The following GLRA3 variants were observed in gnomAD, a reference collection of about 807,000 sequenced individuals.
GLRA3 encodes glycine receptor alpha 3, also known as glycine receptor subunit alpha-3.
In GLRA3, 44 loss-of-function variants were observed where a neutral mutation model predicts 60.4. The observed-to-expected ratio is 0.73, with a 90% CI of 0.57 to 0.94. GLRA3 has a LOEUF of 0.94. Among genes scored for constraint, GLRA3 ranks in the 40% least tolerant of loss-of-function variants. The probability of loss-of-function intolerance (pLI) is 0.00; values close to 1 mark genes in which losing one functional copy is unlikely to be tolerated. For synonymous variants in GLRA3, 223 were observed against 192.9 expected (o/e 1.16, Z -1.29); for missense variants, 508 against 564.6 (o/e 0.90, Z 1.02).
chr4:174,712,914 T>G lies in GLRA3; in HGVS notation c.574+2574A>C, dbSNP rs565905853. ...ATATATACACACACATATATGCATA[T>G]ATATACACACATATGTATATATACA... On this transcript the variant is annotated intron_variant, in intron 5 of 9. Transcript: ENST00000274093. 9 of 152,000 alleles carry G rather than the reference T, an allele frequency of 5.9e-5. No homozygotes were observed. In the South Asian group the frequency reaches 1.9e-3, roughly 31 times the overall value. 9.4% of individuals were successfully genotyped at this position (152,000 alleles called of 1,614,324 possible).
At chr4:174,704,560 G>T (rs115618464) in intron 5 of GLRA3, among the ~76,000 whole-genome samples, 2,499 of 143,392 alleles carry the variant, frequency 0.017, 382 homozygotes, top group Non-Finnish European at 0.029. Flanking sequence ...AATTAAAAAT[G>T]AATGACCATA....
At chr4:174,828,478 G>A (rs766197715) in intron 1 of GLRA3, among the ~76,000 whole-genome samples, 1 of 152,142 alleles carries the variant, frequency 6.6e-6, no homozygotes, top group Non-Finnish European at 1.5e-5. Flanking sequence ...GAAAACGTAG[G>A]CTTTTAAAAT....
At chr4:174,696,648 T>TA (rs1735065628) in intron 5 of GLRA3, among the ~76,000 whole-genome samples, 1 of 152,068 alleles carries the variant, frequency 6.6e-6, no homozygotes, top group South Asian at 2.1e-4. Flanking sequence ...TGAGATTAGA[T>TA]AAAAAACCTT....
rs1470381597 is a variant in GLRA3 at position 174,790,873 on chromosome 4, G to A, written c.72-1930C>T. Among the ~76,000 whole-genome samples the A allele has an allele frequency of 2.0e-5, 3 of 149,448 alleles. 1 individual carries two copies. Among genetic ancestry groups the A allele is most frequent in the South Asian group, 4.3e-4 (2 of 4,682 alleles). On this transcript the variant is annotated intron_variant, in intron 1 of 9. Coordinates refer to ENST00000274093, the MANE Select transcript of GLRA3 (RefSeq NM_006529.4). The stretch of plus-strand genomic sequence containing the variant: ...AAAGAAATTAGCCGGGCGTAGTGGC[G>A]GGCTCCTGTAGTCCCAGCTACTGGG...
At chr4:174,713,374 AC>A (rs1187406753) in intron 5 of GLRA3, among the ~76,000 whole-genome samples, 2 of 152,126 alleles carry the variant, frequency 1.3e-5, no homozygotes, top group African/African-American at 4.8e-5. Flanking sequence ...CTTATTCAAA[AC>A]ATAAGCCCAG....
intron 3 of GLRA3, among the ~76,000 whole-genome samples, chr4:174,759,047 A>G (rs1194045984): frequency 1.3e-5 from 2 of 152,126 alleles, no homozygotes; most frequent in Admixed American, 6.5e-5. Flanking sequence ...ATTTATAGCA[A>G]ACTCAAGCAA....
intron 5 of GLRA3, among the ~76,000 whole-genome samples, chr4:174,699,905 T>C (rs1735239507): frequency 6.6e-6 from 1 of 151,714 alleles, no homozygotes; most frequent in South Asian, 2.1e-4. Flanking sequence ...ATTAATAATT[T>C]GTTAAACTTA....
At chr4:174,766,456 T>A (rs1279915004) in intron 3 of GLRA3, among the ~76,000 whole-genome samples, 1 of 152,080 alleles carries the variant, frequency 6.6e-6, no homozygotes, top group African/African-American at 2.4e-5. Context: ...AATGACAATT[T>A]TTATGTTTTT....
At chr4:174,790,944 C>T (rs1291163019) in intron 1 of GLRA3, among the ~76,000 whole-genome samples, 2 of 146,406 alleles carry the variant, frequency 1.4e-5, no homozygotes, top group African/African-American at 2.6e-5. Context: ...GTGGGGCTTG[C>T]AGTGAGCCGA....
intron 4 of GLRA3, among the ~76,000 whole-genome samples, chr4:174,716,074 G>C (rs1735907648): frequency 6.6e-6 from 1 of 152,164 alleles, no homozygotes; most frequent in Non-Finnish European, 1.5e-5. Flanking sequence ...ACGTGGAAAA[G>C]CAGGGTGGAG....
chr4:174,703,025 T>C (rs1342538205), intron 5 of GLRA3, among the ~76,000 whole-genome samples: 2 of 152,178 alleles, frequency 1.3e-5, no homozygotes, highest in Non-Finnish European at 2.9e-5. Flanking sequence ...AAGGTTTTGC[T>C]TTTTGCAAAT....
At chr4:174,666,708 G>T (rs998190106) in intron 7 of GLRA3, among the ~76,000 whole-genome samples, 2 of 147,708 alleles carry the variant, frequency 1.4e-5, no homozygotes, top group Non-Finnish European at 3.0e-5. Flanking sequence ...ATTAGAAATA[G>T]AGAAAGCCTG....
rs142132413 is a variant in GLRA3 at position 174,682,868 on chromosome 4, T to A, written c.646A>T (p.Thr216Ser). The A allele has an allele frequency of 6.2e-7, 1 of 1,611,678 alleles. No individual in the cohort carries two copies. The highest frequency in any genetic ancestry group is 8.5e-7 in the Non-Finnish European group (1 of 1,177,848). ...TCTTTCAACAGAAACTGGGGCAAAG[T>A]GAGTCCTTCTGCCACTTGTACGGGT... ...EAPVQVAEGL[T>S]LPQFLLKEEK... The change falls in exon 6 of 10, where the codon ACT (threonine) becomes TCT (serine). Residue 216 changes from threonine to serine, a missense_variant. Thr to Ser is a moderately conservative substitution (Grantham distance 58). Transcript: ENST00000274093.
intron 3 of GLRA3, among the ~76,000 whole-genome samples, chr4:174,765,172 T>C (rs998267588): frequency 8.5e-6 from 1 of 117,526 alleles, no homozygotes; most frequent in Admixed American, 9.0e-5. Flanking sequence ...CAGAATGCTA[T>C]TCTATAAAGT....
chr4:174,656,843 A>T, intron 8 of GLRA3, 56 bp from the exon 9 acceptor site: 1 of 915,648 alleles, frequency 1.1e-6, no homozygotes, highest in Non-Finnish European at 1.8e-6. Flanking sequence ...ATCAATTCAT[A>T]TATGATTAAA....
At chr4:174,727,099 T>C (rs1387682334) in intron 4 of GLRA3, among the ~76,000 whole-genome samples, 2 of 152,202 alleles carry the variant, frequency 1.3e-5, no homozygotes, top group African/African-American at 4.8e-5. Context: ...CCTGTCACTT[T>C]TAGAAATCAA....
intron 5 of GLRA3, among the ~76,000 whole-genome samples, chr4:174,714,556 G>A (rs1735835419): frequency 6.6e-6 from 1 of 151,986 alleles, no homozygotes; most frequent in African/African-American, 2.4e-5. Flanking sequence ...GAGAGGGAGG[G>A]GTATAGTCAC....
intron 2 of GLRA3, among the ~76,000 whole-genome samples, chr4:174,772,128 C>T (rs1561108189): frequency 6.6e-6 from 1 of 152,126 alleles, no homozygotes; most frequent in African/African-American, 2.4e-5. Flanking sequence ...AATAGTAAGG[C>T]CGATGGATGA....
At chr4:174,653,990 C>T (rs1733109481) in intron 9 of GLRA3, among the ~76,000 whole-genome samples, 1 of 152,068 alleles carries the variant, frequency 6.6e-6, no homozygotes, top group South Asian at 2.1e-4. Flanking sequence ...GATGCGATTT[C>T]AACTCCTGAT....
Sources: allele counts gnomAD v4.1 joint callset (sites outside exome capture counted in the v4.1 genomes callset), GRCh38; gene constraint gnomAD v4.1.1; transcripts MANE v1.5; gene names NCBI Gene and HGNC (gene_info 2026-07-23, HGNC 2026-07-21).